The following PPP1R12A variants were observed in gnomAD, a reference collection of about 807,000 sequenced individuals.
PPP1R12A encodes the protein myosin binding subunit.
Under a neutral mutation model 139.6 loss-of-function variants are expected in PPP1R12A, and 19 were observed. The ratio of observed to expected loss-of-function variants is 0.14; its 90% confidence interval spans 0.09 to 0.20. PPP1R12A has a LOEUF of 0.20. Ranked by LOEUF, PPP1R12A falls within the 10% of genes least tolerant of loss-of-function variation. The pLI is 1.00. For missense variants in PPP1R12A, 925 were observed against 1,211.5 expected (o/e 0.76, Z 3.51); for synonymous variants, 427 against 420.6 (o/e 1.02, Z -0.19).
At chr12:79,918,649 C>T (rs1028205924) in intron 1 of PPP1R12A, among the ~76,000 whole-genome samples, 4 of 152,112 alleles carry the variant, frequency 2.6e-5, no homozygotes, top group Non-Finnish European at 4.4e-5. Flanking sequence ...ATTTTCCAAC[C>T]CTCCTGCCGC....
intron 14 of PPP1R12A, among the ~76,000 whole-genome samples, chr12:79,804,948 A>G (rs56828227): frequency 0.04 from 6,134 of 152,288 alleles, 439 homozygotes; most frequent in East Asian, 0.29. Flanking sequence ...TACATCTATG[A>G]TTCCATGCCA....
In PPP1R12A at chr12:79,821,086, G is replaced by C. The variant is rs752162693; in HGVS notation, c.948C>G (p.Thr316=). 3 of 1,610,354 alleles carry C rather than the reference G, an allele frequency of 1.9e-6. No individual in the cohort carries two copies. In the Admixed American group the frequency reaches 5.0e-5, roughly 27 times the overall value. The change falls in exon 7 of 25, where the codon ACC becomes ACG. Residue 316 remains threonine, a synonymous_variant. Coordinates refer to ENST00000450142, the MANE Select transcript of PPP1R12A (RefSeq NM_002480.3). ...TTGAATATTTTACTCACTTTTTAAA[G>C]GTCTTCTGTGACTGATTATTGTCCA... The part of the protein sequence containing the change: ...ANMDNNQSQK[T]FKNKETLIIE...
intron 2 of PPP1R12A, among the ~76,000 whole-genome samples, chr12:79,865,988 C>T (rs990787703): frequency 1.3e-5 from 2 of 151,996 alleles, no homozygotes; most frequent in African/African-American, 4.8e-5. Context: ...CATATGGAAC[C>T]AAAAAAGAGC....
intron 1 of PPP1R12A, among the ~76,000 whole-genome samples, chr12:79,917,115 T>C (rs1437015092): frequency 6.6e-6 from 1 of 152,144 alleles, no homozygotes; most frequent in African/African-American, 2.4e-5. Flanking sequence ...AAAACTTATA[T>C]AGTATTCCCA....
chr12:79,868,828 C>T (rs1234595926), intron 2 of PPP1R12A, among the ~76,000 whole-genome samples: 2 of 151,592 alleles, frequency 1.3e-5, no homozygotes, highest in Admixed American at 1.3e-4. Context: ...AATACTGATT[C>T]AGCACCCCAA....
Position 79,934,885 on chromosome 12 carries a change from C to T in PPP1R12A, c.47G>A (p.Arg16His), listed in dbSNP as rs1888550205. ...GAGGTCCGTCTCGGAGCCGATCCAG[C>T]GTTTCAGCTGCTCGTTCCGCTTCTG... ...AKQKRNEQLK[R>H]WIGSETDLEP... The change falls in exon 1 of 25, where the codon CGC becomes CAC. Residue 16 changes from arginine (R) to histidine (H), a missense_variant. Physicochemically the swap from Arg to His is conservative, Grantham distance 29. Around this residue, in one of 4 missense-constraint regions of PPP1R12A, gnomAD observed 199 missense variants for 352.4 expected, o/e 0.56. Coordinates refer to ENST00000450142, the MANE Select transcript of PPP1R12A (RefSeq NM_002480.3). 4 of 1,609,534 alleles carry T rather than the reference C, an allele frequency of 2.5e-6. No individual in the cohort carries two copies. Among genetic ancestry groups the T allele is most frequent in the Non-Finnish European group, 3.4e-6 (4 of 1,178,004 alleles).
intron 1 of PPP1R12A, among the ~76,000 whole-genome samples, chr12:79,917,495 A>C (rs980970731): frequency 7.3e-5 from 11 of 151,586 alleles, no homozygotes; most frequent in African/African-American, 2.7e-4. Context: ...AAAAAAAAAA[A>C]AAAAAAAAAA....
chr12:79,819,089 A>T (rs1378553114), intron 8 of PPP1R12A: 2 of 152,230 alleles, frequency 1.3e-5, no homozygotes, highest in Non-Finnish European at 2.9e-5. Flanking sequence ...GAACAAAATT[A>T]TCATAGTACA....
chr12:79,796,680 G>T, intron 17 of PPP1R12A, 102 bp downstream of exon 17: 1 of 944,106 alleles, frequency 1.1e-6, no homozygotes, highest in Non-Finnish European at 1.5e-6. Flanking sequence ...TGAATCACAA[G>T]TTAGGATGCT....
intron 1 of PPP1R12A, among the ~76,000 whole-genome samples, chr12:79,930,230 G>A (rs777128467): frequency 6.6e-6 from 1 of 152,106 alleles, no homozygotes; most frequent in Non-Finnish European, 1.5e-5. Context: ...TAAAGGCATG[G>A]AAATAAAAAA....
At chr12:79,863,447 G>T (rs1439780196) in intron 2 of PPP1R12A, among the ~76,000 whole-genome samples, 1 of 152,008 alleles carries the variant, frequency 6.6e-6, no homozygotes, top group Non-Finnish European at 1.5e-5. Flanking sequence ...ATAATGACAG[G>T]ATCGAATTCA....
At chr12:79,845,192 A>AT (rs1346177270) in intron 3 of PPP1R12A, 110 bp downstream of exon 3, 3 of 805,384 alleles carry the variant, frequency 3.7e-6, no homozygotes, top group East Asian at 5.4e-5. Flanking sequence ...AGCTGAATTC[A>AT]TTTTTTTCAT....
chr12:79,867,282 A>G (rs1351322601), intron 2 of PPP1R12A, among the ~76,000 whole-genome samples: 1 of 152,080 alleles, frequency 6.6e-6, no homozygotes, highest in Admixed American at 6.6e-5. Context: ...GAACACATGG[A>G]CACAGGGATG....
chr12:79,810,337 AT>A, intron 9 of PPP1R12A, among the ~76,000 whole-genome samples: 1 of 152,200 alleles, frequency 6.6e-6, no homozygotes. Flanking sequence ...GAACCAATTT[AT>A]ATTAAACTTG....
intron 1 of PPP1R12A, among the ~76,000 whole-genome samples, chr12:79,896,563 G>A (rs900696537): frequency 6.6e-6 from 1 of 152,112 alleles, no homozygotes; most frequent in Non-Finnish European, 1.5e-5. Context: ...AAACTCCTGG[G>A]CTTAAGTGAT....
At chr12:79,931,976 A>G (rs936170001) in intron 1 of PPP1R12A, among the ~76,000 whole-genome samples, 2 of 152,196 alleles carry the variant, frequency 1.3e-5, no homozygotes, top group Admixed American at 6.5e-5. Flanking sequence ...TTTAAATATA[A>G]GCTCTTTAAA....
At chr12:79,861,321 A>G (rs1216409202) in intron 2 of PPP1R12A, among the ~76,000 whole-genome samples, 1 of 152,208 alleles carries the variant, frequency 6.6e-6, no homozygotes, top group Non-Finnish European at 1.5e-5. Flanking sequence ...AAACACATCA[A>G]TATGTTCAAA....
chr12:79,806,664 G>C (rs906305299), intron 12 of PPP1R12A, among the ~76,000 whole-genome samples: 2 of 152,222 alleles, frequency 1.3e-5, no homozygotes, highest in East Asian at 3.8e-4. Context: ...GTATTACCCA[G>C]GGAAAACAAG....
chr12:79,931,049 C>T (rs1888217781), intron 1 of PPP1R12A, among the ~76,000 whole-genome samples: 1 of 152,052 alleles, frequency 6.6e-6, no homozygotes, highest in African/African-American at 2.4e-5. Context: ...TAAAGAAATT[C>T]CTGACGATGT....
Sources: gnomAD v4.1 joint callset for allele counts (sites outside exome capture counted in the v4.1 genomes callset) on GRCh38, gnomAD v4.1.1 for gene constraint, gnomAD v4.1.1 regional missense constraint, MANE v1.5 for transcripts, NCBI Gene and HGNC (gene_info 2026-07-23, HGNC 2026-07-21) for gene names.